RBM33: variants seen among roughly 807,000 people sequenced by gnomAD.
RBM33 encodes the protein RNA binding motif protein 33.
In RBM33, 28 loss-of-function variants were observed where a neutral mutation model predicts 132.6. The observed-to-expected ratio is 0.21, with a 90% CI of 0.16 to 0.29. The LOEUF (loss-of-function observed/expected upper bound fraction) is 0.29, where lower values mean the gene tolerates loss of function less well. Among genes scored for constraint, RBM33 ranks in the 10% least tolerant of loss-of-function variants. The pLI is 1.00. For synonymous variants in RBM33, 634 were observed against 593.0 expected (o/e 1.07, Z -1.01); for missense variants, 1,291 against 1,518.5 (o/e 0.85, Z 2.49).
At chr7:155,673,789 C>CACACACACACAG (rs1199033451) in intron 3 of RBM33, among the ~76,000 whole-genome samples, 1 of 146,970 alleles carries the variant, frequency 6.8e-6, no homozygotes, top group Admixed American at 6.7e-5. Context: ...CACACACACA[C>CACACACACACAG]ACACACACAC....
At chr7:155,685,997 G>A (rs1332511163) in intron 5 of RBM33, among the ~76,000 whole-genome samples, 1 of 152,176 alleles carries the variant, frequency 6.6e-6, no homozygotes, top group African/African-American at 2.4e-5. Flanking sequence ...TTACAAAACA[G>A]AAGTACTTCT....
chr7:155,691,907 T>A (rs1799654006), intron 5 of RBM33, among the ~76,000 whole-genome samples: 1 of 151,930 alleles, frequency 6.6e-6, no homozygotes, highest in Admixed American at 6.6e-5. Context: ...AAAAATTAGC[T>A]AGGTGTGGTG....
chr7:155,767,254 G>C (rs1467188913), intron 16 of RBM33, among the ~76,000 whole-genome samples: 1 of 152,240 alleles, frequency 6.6e-6, no homozygotes, highest in Admixed American at 6.5e-5. Context: ...GGTCTCTGTA[G>C]GCTGACCCAG....
rs776143004 is a variant in RBM33 at position 155,774,951 on chromosome 7, A to G, written c.3465-42A>G. On this transcript the variant is annotated intron_variant, in intron 17 of 17. Transcript: ENST00000401878. This position sits in a 1 kb window ranked among gnomAD's most constrained non-coding sequence, Gnocchi z 4.2. Reference sequence around the variant, plus strand: ...TCCCACCTTGGTAGGTTGATTGCCGATGTGCAGGGTTAGTGTCGATCGTTT... The same window carrying G: ...TCCCACCTTGGTAGGTTGATTGCCGGTGTGCAGGGTTAGTGTCGATCGTTT... 1.3e-6 allele frequency: 2 copies of G among 1,595,548 alleles called. No homozygotes were observed. The highest frequency in any genetic ancestry group is 3.3e-5 in the Admixed American group (2 of 59,976).
intron 1 of RBM33, among the ~76,000 whole-genome samples, chr7:155,648,152 T>C (rs1400848333): frequency 6.6e-6 from 1 of 152,168 alleles, no homozygotes; most frequent in East Asian, 1.9e-4. Flanking sequence ...AGTAGAATAA[T>C]GAACCCACAT....
chr7:155,666,460 T>A (rs1798804706), intron 2 of RBM33, among the ~76,000 whole-genome samples: 1 of 152,170 alleles, frequency 6.6e-6, no homozygotes, highest in South Asian at 2.1e-4. Context: ...AAATAATATT[T>A]TGTTAGGTAG....
chr7:155,666,069 T>C (rs1386973843), intron 2 of RBM33, among the ~76,000 whole-genome samples: 1 of 152,220 alleles, frequency 6.6e-6, no homozygotes, highest in African/African-American at 2.4e-5. Context: ...TAGTGACTCA[T>C]GCAGTGTATT....
chr7:155,652,706 A>G (rs1798388919), intron 1 of RBM33, among the ~76,000 whole-genome samples: 1 of 152,218 alleles, frequency 6.6e-6, no homozygotes, highest in African/African-American at 2.4e-5. Context: ...GAGATTTTCC[A>G]GGTAAGGAGG....
intron 8 of RBM33, among the ~76,000 whole-genome samples, chr7:155,716,316 G>GGTTTTTTTTTTTTTTTTTT (rs1554477957): frequency 2.0e-5 from 2 of 102,384 alleles, no homozygotes; most frequent in Non-Finnish European, 3.8e-5. Context: ...CTTTTCTGCT[G>GGTTTTTTTTTTTTTTTTTT]TTTTTTTTTT....
chr7:155,692,825 C>G (rs567336903), intron 5 of RBM33, among the ~76,000 whole-genome samples: 1 of 152,126 alleles, frequency 6.6e-6, no homozygotes. Context: ...CAAATTTATC[C>G]AAAAGAATTA....
chr7:155,666,402 G>GCTAATA, intron 2 of RBM33, among the ~76,000 whole-genome samples: 1 of 152,300 alleles, frequency 6.6e-6, no homozygotes, highest in Non-Finnish European at 1.5e-5. Context: ...CTCAGTCTGT[G>GCTAATA]GACTCATTGC....
intron 4 of RBM33, among the ~76,000 whole-genome samples, 198 bp downstream of exon 4, chr7:155,678,882 C>T (rs2113585): frequency 0.68 from 102,740 of 152,022 alleles, 35,113 homozygotes; most frequent in South Asian, 0.77. Context: ...TTAAAATAAG[C>T]AGTTCTTGGC....
intron 6 of RBM33, among the ~76,000 whole-genome samples, chr7:155,706,139 A>G (rs1800106605): frequency 6.6e-6 from 1 of 152,182 alleles, no homozygotes; most frequent in Non-Finnish European, 1.5e-5. Flanking sequence ...TCAGTAAGAA[A>G]ATCATACTGC....
At chr7:155,678,373 C>T (rs184593033) in intron 3 of RBM33, among the ~76,000 whole-genome samples, 15 of 152,128 alleles carry the variant, frequency 9.9e-5, no homozygotes, top group Admixed American at 9.2e-4. Flanking sequence ...TAAATGTGAT[C>T]GTTACACTTG....
chr7:155,685,489 AG>A (rs1414795423), intron 5 of RBM33, among the ~76,000 whole-genome samples: 1 of 152,156 alleles, frequency 6.6e-6, no homozygotes, highest in African/African-American at 2.4e-5. Flanking sequence ...AATATAGGAG[AG>A]AAAAAAGACC....
At chr7:155,689,945 T>A (rs1799586274) in intron 5 of RBM33, among the ~76,000 whole-genome samples, 1 of 152,266 alleles carries the variant, frequency 6.6e-6, no homozygotes, top group Non-Finnish European at 1.5e-5. Context: ...ATGTATGTTC[T>A]GCTGATTTAG....
intron 9 of RBM33, among the ~76,000 whole-genome samples, chr7:155,735,695 C>CTCTCTCTCTCTCTCTCTCTG (rs1563166871): frequency 0.029 from 8 of 272 alleles, no homozygotes; most frequent in Admixed American, 0.045. Flanking sequence ...GACCCTGTCT[C>CTCTCTCTCTCTCTCTCTCTG]TCTCTCTCTC....
chr7:155,761,996 AT>A (rs1802051892), intron 14 of RBM33, among the ~76,000 whole-genome samples: 1 of 151,926 alleles, frequency 6.6e-6, no homozygotes, highest in Non-Finnish European at 1.5e-5. Flanking sequence ...TATTATTTTT[AT>A]TTCTCAGCCT....
chr7:155,771,413 G>C (rs1428225481), intron 16 of RBM33, among the ~76,000 whole-genome samples: 1 of 152,192 alleles, frequency 6.6e-6, no homozygotes, highest in Non-Finnish European at 1.5e-5. Flanking sequence ...AAAATGTAAG[G>C]AGAGAGGGTA....
Sources: allele counts gnomAD v4.1 joint callset (sites outside exome capture counted in the v4.1 genomes callset), GRCh38; gene constraint gnomAD v4.1.1; non-coding constraint Gnocchi (gnomAD v3.1); transcripts MANE v1.5; gene names NCBI Gene and HGNC (gene_info 2026-07-23, HGNC 2026-07-21).